Variants in ZNF608 observed in about 807,000 individuals in gnomAD.
ZNF608 encodes renal carcinoma antigen NY-REN-36.
In ZNF608, 12 loss-of-function variants were observed where a neutral mutation model predicts 109.0. The ratio of observed to expected loss-of-function variants is 0.11; its 90% CI spans 0.07 to 0.18. The LOEUF (loss-of-function observed/expected upper bound fraction) is 0.18, where lower values mean the gene tolerates loss of function less well. ZNF608 is among the 10% of genes least tolerant of loss of function. The probability of loss-of-function intolerance (pLI) is 1.00; values close to 1 mark genes in which losing one functional copy is unlikely to be tolerated. For synonymous variants in ZNF608, 732 were observed against 717.4 expected (o/e 1.02, Z -0.33); for missense variants, 1,707 against 1,879.3 (o/e 0.91, Z 1.70).
At chr5:124,741,350 C>T (rs192616858) in intron 2 of ZNF608, among the ~76,000 whole-genome samples, 4 of 141,486 alleles carry the variant, frequency 2.8e-5, no homozygotes, top group South Asian at 2.2e-4. Context: ...GAAAATTAAC[C>T]GGTGACAGCA....
chr5:124,641,241 G>A lies in ZNF608; in HGVS notation c.4450+11C>T, dbSNP rs764788886. ...AATGGACAAAGACACAGTAATGATAGAGCTGCTGACCTTGAAAAGGGTCAT... is the reference window on the plus strand; with the variant it reads ...AATGGACAAAGACACAGTAATGATAAAGCTGCTGACCTTGAAAAGGGTCAT... On this transcript the variant is annotated intron_variant, in intron 8 of 9. Coordinates refer to ENST00000513986, the MANE Select transcript of ZNF608 (RefSeq NM_020747.3). The A allele has an allele frequency of 1.9e-6, 3 of 1,613,306 alleles. No individual in the cohort carries two copies. Among genetic ancestry groups the A allele is most frequent in the Admixed American group, 1.7e-5 (1 of 60,010 alleles).
rs756873982 is a variant in ZNF608, at chr5:124,744,320, C to G, written c.670G>C (p.Gly224Arg). Reference protein sequence around the residue: ...KHDLLQGHQNGSGSQAPSGGH... With the variant: ...KHDLLQGHQNRSGSQAPSGGH... The stretch of plus-strand genomic sequence containing the variant: ...CCGGAAGGGGCCTGGCTGCCACTGC[C>G]ATTCTGGTGGCCCTGAAGCAGGTCG... Residue 224 changes from glycine to arginine, a missense_variant, in exon 2 of 10, where the codon GGC becomes CGC. Coordinates refer to ENST00000513986, the MANE Select transcript of ZNF608 (RefSeq NM_020747.3). The surrounding 1 kb of genome is among the most constrained non-coding windows in gnomAD (Gnocchi z 4.5). The G allele has an allele frequency of 6.2e-7, 1 of 1,614,204 alleles. No individual in the cohort carries two copies. The highest frequency in any genetic ancestry group is 8.5e-7 in the Non-Finnish European group (1 of 1,180,046).
Position 124,673,932 on chromosome 5 carries a change from AT to A in ZNF608, c.1163-24236del, listed in dbSNP as rs566787783. On this transcript the variant is annotated intron_variant, in intron 3 of 9. Transcript: ENST00000513986. The stretch of plus-strand genomic sequence containing the variant: ...TATATACGTTTTCACTAAATATGAA[AT>A]TTTTTTTTAATTATTCAAAAGATAG... 3.4e-3 allele frequency among the ~76,000 whole-genome samples: 524 copies of A among 152,000 alleles called. 2 individuals are homozygous for A. Among genetic ancestry groups the A allele is most frequent in the South Asian group, 0.014 (68 of 4,816 alleles).
intron 2 of ZNF608, among the ~76,000 whole-genome samples, chr5:124,724,516 G>T (rs1396788811): frequency 3.2e-4 from 26 of 80,764 alleles, no homozygotes; most frequent in African/African-American, 1.2e-3. Context: ...AAAAAAAAAA[G>T]ACTGGCATTT....
intron 3 of ZNF608, among the ~76,000 whole-genome samples, chr5:124,681,747 C>G (rs933793115): frequency 7.2e-5 from 11 of 152,030 alleles, no homozygotes; most frequent in African/African-American, 2.7e-4. Flanking sequence ...GTCCCTGACT[C>G]TAAAAAAGGA....
At chr5:124,694,014 T>G (rs561158593) in intron 3 of ZNF608, among the ~76,000 whole-genome samples, 1 of 106,052 alleles carries the variant, frequency 9.4e-6, no homozygotes, top group Non-Finnish European at 1.9e-5. Context: ...CTCGCTCTGT[T>G]GCCCAGGCTA....
At chr5:124,678,265 G>C (rs1215565949) in intron 3 of ZNF608, among the ~76,000 whole-genome samples, 1 of 152,146 alleles carries the variant, frequency 6.6e-6, no homozygotes, top group Admixed American at 6.5e-5. Flanking sequence ...GCATTACCAA[G>C]AAATCTTAAA....
intron 3 of ZNF608, among the ~76,000 whole-genome samples, chr5:124,653,550 C>A (rs924922914): frequency 6.6e-6 from 1 of 152,208 alleles, no homozygotes; most frequent in Non-Finnish European, 1.5e-5. Context: ...CTGTGATGCA[C>A]AAGTGGAAGT....
chr5:124,687,770 C>T (rs904053753), intron 3 of ZNF608, among the ~76,000 whole-genome samples: 1 of 152,098 alleles, frequency 6.6e-6, no homozygotes, highest in Non-Finnish European at 1.5e-5. Flanking sequence ...TATTTGAGAT[C>T]AGAAAGGCCC....
At chr5:124,701,299 T>C (rs191361823) in intron 2 of ZNF608, 30 bp from the exon 3 acceptor site, 1 of 1,609,496 alleles carries the variant, frequency 6.2e-7, no homozygotes, top group African/African-American at 1.3e-5. Context: ...ACTGCAGTAG[T>C]GCTGCATTCC....
intron 2 of ZNF608, among the ~76,000 whole-genome samples, chr5:124,720,038 C>G (rs550223505): frequency 1.6e-4 from 25 of 152,310 alleles, no homozygotes; most frequent in African/African-American, 5.8e-4. Flanking sequence ...AAACAACCAA[C>G]AGGAGTATGG....
chr5:124,736,718 T>A (rs1315475684), intron 2 of ZNF608, among the ~76,000 whole-genome samples: 1 of 152,228 alleles, frequency 6.6e-6, no homozygotes, highest in Non-Finnish European at 1.5e-5. Flanking sequence ...GAGGGCCAGA[T>A]GTGCTTTTCC....
chr5:124,685,563 G>C (rs1335769636), intron 3 of ZNF608, among the ~76,000 whole-genome samples: 3 of 151,522 alleles, frequency 2.0e-5, no homozygotes, highest in Non-Finnish European at 2.9e-5. Context: ...GTAAAGTGTA[G>C]TGTAAAGCCT....
chr5:124,710,703 G>A (rs1320528752), intron 2 of ZNF608: 1 of 152,666 alleles, frequency 6.6e-6, no homozygotes, highest in Admixed American at 6.5e-5. Flanking sequence ...CCAAAACACT[G>A]ATCAATTTTA....
At chr5:124,708,931 G>C (rs1312223894) in intron 2 of ZNF608, among the ~76,000 whole-genome samples, 2 of 152,108 alleles carry the variant, frequency 1.3e-5, no homozygotes, top group Non-Finnish European at 2.9e-5. Context: ...CAGCACTTTG[G>C]GAGGCCAAGG....
chr5:124,745,937 A>T (rs935956713), intron 1 of ZNF608: 1 of 165,866 alleles, frequency 6.0e-6, no homozygotes, highest in African/African-American at 2.4e-5. Context: ...CATTTAAACA[A>T]TTCTACCATA....
rs1750581701 is a variant in ZNF608 at position 124,647,575 on chromosome 5, G to A, written c.2809C>T (p.Pro937Ser). ...GCATCAGATATGTCTGAATAGGCCG[G>A]GCTGCTTGTCTTTGCAGCTGAACTC... ...AESSAAKTSS[P>S]AYSDISDAAD... The change falls in exon 5 of 10, where the codon CCG (proline) becomes TCG (serine). Residue 937 changes from proline (P) to serine (S), a missense_variant. Transcript: ENST00000513986. 1 of 1,614,192 alleles carries A rather than the reference G, an allele frequency of 6.2e-7. No homozygotes were observed. The highest frequency in any genetic ancestry group is 8.5e-7 in the Non-Finnish European group (1 of 1,180,040).
intron 2 of ZNF608, among the ~76,000 whole-genome samples, chr5:124,741,772 T>C (rs187732566): frequency 1.3e-5 from 2 of 152,360 alleles, no homozygotes; most frequent in East Asian, 3.9e-4. Flanking sequence ...GTGCCATTTC[T>C]GTGTGCCAAG....
intron 2 of ZNF608, among the ~76,000 whole-genome samples, chr5:124,732,917 A>G (rs1297430002): frequency 6.6e-6 from 1 of 152,078 alleles, no homozygotes. Context: ...CTGACCAGGG[A>G]GCACAGAAAT....
Sources: allele counts gnomAD v4.1 joint callset (sites outside exome capture counted in the v4.1 genomes callset), GRCh38; gene constraint gnomAD v4.1.1; non-coding constraint Gnocchi (gnomAD v3.1); transcripts MANE v1.5; gene names NCBI Gene and HGNC (gene_info 2026-07-23, HGNC 2026-07-21).